EZH2: variants seen among roughly 807,000 people sequenced by gnomAD.
The protein encoded by EZH2 is enhancer of zeste 2 polycomb repressive complex 2 subunit.
Under a neutral mutation model 98.4 loss-of-function variants are expected in EZH2, and 18 were observed. The observed-to-expected ratio is 0.18, with a 90% CI of 0.13 to 0.27. The LOEUF (loss-of-function observed/expected upper bound fraction) is 0.27. Ranked by LOEUF, EZH2 falls within the 10% of genes least tolerant of loss-of-function variation. The pLI, the probability that EZH2 is intolerant of heterozygous loss-of-function variation, is 1.00. For missense variants in EZH2, 470 were observed against 935.1 expected, an observed-to-expected ratio of 0.50 and a Z score of 6.49; for synonymous variants, 338 against 312.3, an observed-to-expected ratio of 1.08 and a Z score of -0.87.
chr7:148,823,801 C>A (rs1273378225), intron 8 of EZH2, among the ~76,000 whole-genome samples: 1 of 151,964 alleles, frequency 6.6e-6, no homozygotes, highest in East Asian at 1.9e-4. Context: ...AAAGGATGAG[C>A]CACCGCGCCC....
chr7:148,883,625 T>G (rs1242470467), intron 1 of EZH2: 1 of 146,402 alleles, frequency 6.8e-6, no homozygotes, highest in Non-Finnish European at 1.5e-5. Context: ...CACGCCCCTC[T>G]CCCGCCCGCC....
intron 1 of EZH2, among the ~76,000 whole-genome samples, chr7:148,847,968 T>C (rs1207074811): frequency 6.6e-6 from 1 of 152,244 alleles, no homozygotes; most frequent in Non-Finnish European, 1.5e-5. Flanking sequence ...TTATCTTTAG[T>C]TGCAGGCTCT....
At chr7:148,871,403 TAAAAAAAAAAA>T (rs71529646) in intron 1 of EZH2, among the ~76,000 whole-genome samples, 3 of 88,752 alleles carry the variant, frequency 3.4e-5, no homozygotes, top group African/African-American at 4.3e-5. Flanking sequence ...GACGAATAAT[TAAAAAAAAAAA>T]AAAAAAAAAA....
At chr7:148,864,751 G>A (rs944461108) in intron 1 of EZH2, among the ~76,000 whole-genome samples, 1 of 151,040 alleles carries the variant, frequency 6.6e-6, no homozygotes, top group African/African-American at 2.4e-5. Flanking sequence ...ATACTAAATC[G>A]ATTTTATAAG....
chr7:148,860,300 C>T (rs1395675371), intron 1 of EZH2, among the ~76,000 whole-genome samples: 1 of 151,094 alleles, frequency 6.6e-6, no homozygotes, highest in Non-Finnish European at 1.5e-5. Flanking sequence ...GTGATAAGGG[C>T]CCTGACTGGG....
At chr7:148,865,972 C>T (rs1818382183) in intron 1 of EZH2, among the ~76,000 whole-genome samples, 1 of 152,122 alleles carries the variant, frequency 6.6e-6, no homozygotes, top group South Asian at 2.1e-4. Flanking sequence ...TATTCTATGG[C>T]TATCAACAGA....
At chr7:148,821,071 T>G (rs1186025049) in intron 8 of EZH2, 1 of 151,650 alleles carries the variant, frequency 6.6e-6, no homozygotes, top group Non-Finnish European at 1.5e-5. Context: ...TCAGAAAGCC[T>G]CCCCACTCCC....
chr7:148,818,892 A>G, intron 9 of EZH2: 1 of 356,522 alleles, frequency 2.8e-6, no homozygotes, highest in Non-Finnish European at 5.5e-6. Flanking sequence ...CCATTTTTTT[A>G]GTGGAAATAG....
chr7:148,881,109 T>C (rs1820893721), intron 1 of EZH2, among the ~76,000 whole-genome samples: 2 of 152,372 alleles, frequency 1.3e-5, no homozygotes, highest in Middle Eastern at 3.4e-3. Flanking sequence ...TATCATGATT[T>C]ACAGAAAATT....
At chr7:148,807,791 T>C in intron 19 of EZH2, 85 bp from the exon 20 acceptor site, 2 of 663,994 alleles carry the variant, frequency 3.0e-6, no homozygotes, top group East Asian at 6.1e-5. Flanking sequence ...CTGCTGAAGA[T>C]AGTGGGTGCA....
chr7:148,853,359 C>T (rs1345561654), intron 1 of EZH2, among the ~76,000 whole-genome samples: 1 of 152,132 alleles, frequency 6.6e-6, no homozygotes, highest in Non-Finnish European at 1.5e-5. Flanking sequence ...TTGAGGTGAG[C>T]CAGGATCATG....
rs1803902603 is a variant in EZH2, at chr7:148,814,106, T to C, written c.1704A>G (p.Lys568=). 2 of 1,613,732 alleles carry C rather than the reference T, an allele frequency of 1.2e-6. No homozygotes were observed. Among genetic ancestry groups the C allele is most frequent in the Admixed American group, 1.7e-5 (1 of 59,932 alleles). Residue 568 remains lysine (K), a synonymous_variant, in exon 15 of 20, where the codon AAA becomes AAG. Coordinates refer to ENST00000320356, the MANE Select transcript of EZH2 (RefSeq NM_004456.5). ...CQNRFPGCRC[K]AQCNTKQCPC... ...GGCACTGCTTGGTGTTGCACTGTGC[T>C]TTGCAGCGGCATCCCGGAAAGCGGT...
chr7:148,809,208 T>C, intron 18 of EZH2, 53 bp from the exon 19 acceptor site: 2 of 1,590,680 alleles, frequency 1.3e-6, no homozygotes, highest in Non-Finnish European at 1.7e-6. Context: ...CACGGGGGGT[T>C]AACTGACTTG....
chr7:148,847,091 G>A (rs1344228384), intron 2 of EZH2, 91 bp downstream of exon 2: 1 of 1,446,544 alleles, frequency 6.9e-7, no homozygotes, highest in Non-Finnish European at 9.2e-7. Context: ...AACTTGGCTA[G>A]AATTATTTTA....
intron 19 of EZH2, 59 bp from the exon 20 acceptor site, chr7:148,807,765 C>CTTGAA (rs1368317994): frequency 9.2e-7 from 1 of 1,085,932 alleles, no homozygotes. Flanking sequence ...TGTGCTGAGA[C>CTTGAA]TTAACACAAC....
chr7:148,868,174 T>C (rs1363060336), intron 1 of EZH2, among the ~76,000 whole-genome samples: 2 of 152,238 alleles, frequency 1.3e-5, no homozygotes, highest in South Asian at 4.1e-4. Context: ...CATTTTCAGG[T>C]ATCTTTATTG....
intron 8 of EZH2, among the ~76,000 whole-genome samples, chr7:148,825,261 T>G (rs561202513): frequency 2.0e-5 from 3 of 152,304 alleles, no homozygotes; most frequent in African/African-American, 7.2e-5. Context: ...GACAACTATT[T>G]CAAGGGCTTA....
At chr7:148,876,825 T>A (rs1585316324) in intron 1 of EZH2, among the ~76,000 whole-genome samples, 1 of 152,008 alleles carries the variant, frequency 6.6e-6, no homozygotes, top group Non-Finnish European at 1.5e-5. Flanking sequence ...GGAAGTGGGG[T>A]GGTATTGTTT....
chr7:148,847,135 A>G (rs1814368571), intron 2 of EZH2, 47 bp downstream of exon 2: 1 of 1,564,496 alleles, frequency 6.4e-7, no homozygotes, highest in Admixed American at 2.1e-5. Context: ...AGGGGAAAAA[A>G]CCTATCCTTA....
Sources: allele counts gnomAD v4.1 joint callset (sites outside exome capture counted in the v4.1 genomes callset), GRCh38; gene constraint gnomAD v4.1.1; transcripts MANE v1.5; gene names NCBI Gene and HGNC (gene_info 2026-07-23, HGNC 2026-07-21).